The following SLC6A13 variants were observed in gnomAD, a reference collection of about 807,000 sequenced individuals.
The protein encoded by SLC6A13 is sodium- and chloride-dependent GABA transporter 2.
SLC6A13 carries 69 observed loss-of-function variants against 72.9 expected under a neutral mutation model. That is an observed-to-expected ratio of 0.95 (90% confidence interval 0.78 to 1.16). The LOEUF (loss-of-function observed/expected upper bound fraction) is 1.16. Among genes scored for constraint, SLC6A13 ranks in the 50% most tolerant of loss-of-function variants. SLC6A13 has a pLI of 0.00. For synonymous variants in SLC6A13, 303 were observed against 303.0 expected (o/e 1.00, Z 0.00); for missense variants, 735 against 760.5 (o/e 0.97, Z 0.39).
intron 7 of SLC6A13, among the ~76,000 whole-genome samples, chr12:228,621 G>C (rs948628469): frequency 2.6e-5 from 4 of 152,124 alleles, no homozygotes; most frequent in African/African-American, 7.2e-5. Flanking sequence ...CTAATATCAG[G>C]CCTCCAATTC....
chr12:229,877 C>T (rs752089770), intron 7 of SLC6A13, among the ~76,000 whole-genome samples: 8 of 152,092 alleles, frequency 5.3e-5, no homozygotes, highest in Admixed American at 1.3e-4. Context: ...CCATTTACCT[C>T]GCCTCGGCAG....
chr12:234,291 A>T (rs1941836004), intron 7 of SLC6A13, among the ~76,000 whole-genome samples: 1 of 152,182 alleles, frequency 6.6e-6, no homozygotes, highest in Non-Finnish European at 1.5e-5. Flanking sequence ...CAACGTCAGG[A>T]AGTTAACCTC....
chr12:228,792 A>C (rs972163033), intron 7 of SLC6A13, among the ~76,000 whole-genome samples: 6 of 152,114 alleles, frequency 3.9e-5, no homozygotes, highest in African/African-American at 1.2e-4. Flanking sequence ...CCACCTCAGA[A>C]TCACGCTGAT....
At position 227,582 on chromosome 12, in the gene SLC6A13, G is replaced by C. The variant is rs1941514956; in HGVS notation, c.918C>G (p.Tyr306Ter). The change falls in exon 8 of 15, where the codon TAC (tyrosine) becomes TAG (stop). Residue 306 changes from tyrosine (Y) to a stop codon, truncating the protein, a stop_gained. Coordinates refer to ENST00000343164, the MANE Select transcript of SLC6A13 (RefSeq NM_016615.5). LOFTEE classifies it high-confidence loss of function. ...CLTALGSYNK[Y>*]HNNCYRDCIA... ...CCAATCACCTGTAGCAGTTGTTGTG[G>C]TACTTGTTGTAGCTGCCCAGGGCTG... is the stretch of plus-strand genomic sequence containing the variant. The C allele has an allele frequency of 1.2e-6, 2 of 1,613,916 alleles. No homozygotes were observed. The highest frequency in any genetic ancestry group is 1.7e-6 in the Non-Finnish European group (2 of 1,179,934).
chr12:259,539 G>C, intron 2 of SLC6A13: 6 of 1,367,366 alleles, frequency 4.4e-6, no homozygotes, highest in Non-Finnish European at 5.6e-6. Flanking sequence ...GATGCTCTGA[G>C]AGCTTAAGTA....
Position 242,789 on chromosome 12 carries a change from T to C in SLC6A13, c.338-35A>G, listed in dbSNP as rs1276478438. 3 of 1,553,914 alleles carry C rather than the reference T, an allele frequency of 1.9e-6. No individual in the cohort carries two copies. The Admixed American group carries it at 5.8e-5, about 30-fold the overall frequency. ...AACTGCAGAATTGGGCTAGGAACGG[T>C]GGACAGCGGTGGCGTGCACCTGTCA... On this transcript the variant is annotated intron_variant, in intron 3 of 14. Transcript: ENST00000343164.
chr12:238,470 C>T (rs1036844564), intron 4 of SLC6A13: 14 of 507,620 alleles, frequency 2.8e-5, no homozygotes, highest in African/African-American at 2.0e-4. Context: ...TAACTCAGCT[C>T]TCTGTGTTTT....
chr12:226,581 TC>T, intron 8 of SLC6A13, 67 bp from the exon 9 acceptor site: 1 of 1,539,050 alleles, frequency 6.5e-7, no homozygotes, highest in East Asian at 2.4e-5. Context: ...CTCTCCTGCT[TC>T]CTGTCTGGGA....
At chr12:250,851 A>AAAAAAC (rs1312714228) in intron 2 of SLC6A13, among the ~76,000 whole-genome samples, 22 of 150,912 alleles carry the variant, frequency 1.5e-4, no homozygotes, top group African/African-American at 5.1e-4. Context: ...AAAAAAAAAA[A>AAAAAAC]ACCTAAAAAC....
chr12:228,006 C>T (rs914917001), intron 7 of SLC6A13, among the ~76,000 whole-genome samples: 1 of 152,136 alleles, frequency 6.6e-6, no homozygotes, highest in Non-Finnish European at 1.5e-5. Flanking sequence ...ATCCTAGGTT[C>T]TGCCCCCACT....
At chr12:245,686 AAAAG>A (rs1424115463) in intron 2 of SLC6A13, among the ~76,000 whole-genome samples, 5 of 150,944 alleles carry the variant, frequency 3.3e-5, no homozygotes, top group South Asian at 2.1e-4. Flanking sequence ...TCGCAAAAAA[AAAAG>A]AAAGAAAGAA....
At chr12:252,891 A>G (rs1022701670) in intron 2 of SLC6A13, among the ~76,000 whole-genome samples, 1 of 144,118 alleles carries the variant, frequency 6.9e-6, no homozygotes, top group African/African-American at 2.5e-5. Flanking sequence ...GCCTGCCAAG[A>G]GGGACAAAGT....
At chr12:237,316 C>A in intron 5 of SLC6A13, 26 bp from the exon 6 acceptor site, 1 of 1,611,676 alleles carries the variant, frequency 6.2e-7, no homozygotes, top group South Asian at 1.1e-5. Context: ...TTGAACCTGG[C>A]TTACTTTTTC....
Position 221,027 on chromosome 12 carries a change from C to T in SLC6A13, c.1730G>A (p.Arg577Gln), listed in dbSNP as rs61741313. The change falls in exon 15 of 15, where the codon CGG becomes CAG. Residue 577 changes from arginine to glutamine, a missense_variant. Physicochemically the swap from Arg to Gln is conservative, Grantham distance 43. Transcript: ENST00000343164. ...GGGAGCCGAGGGTCCTGCTGGGTTC[C>T]GCTGGGGCAGGTCCTCGGCTGGGCA... is the stretch of plus-strand genomic sequence containing the variant. ...LMCPAEDLPQ[R>Q]NPAGPSAPAT... The T allele has an allele frequency of 9.0e-3, 14,561 of 1,611,844 alleles. 1,108 individuals are homozygous for T. In the African/African-American group the frequency reaches 0.17, roughly 18 times the overall value.
chr12:253,134 C>T (rs1388733723), intron 2 of SLC6A13, among the ~76,000 whole-genome samples: 3 of 152,244 alleles, frequency 2.0e-5, no homozygotes, highest in Admixed American at 1.3e-4. Context: ...CTAAAATGTG[C>T]TGGCATTTTC....
At position 221,918 on chromosome 12, in the gene SLC6A13, T is replaced by C. The variant is rs78008732; in HGVS notation, c.1516-372A>G. Among the ~76,000 whole-genome samples, 1,421 of 152,314 alleles carry C rather than the reference T, an allele frequency of 9.3e-3. 14 individuals are homozygous for C. The highest frequency in any genetic ancestry group is 0.03 in the African/African-American group (1,261 of 41,562). On this transcript the variant is annotated intron_variant, in intron 13 of 14. Coordinates refer to ENST00000343164, the MANE Select transcript of SLC6A13 (RefSeq NM_016615.5). ...TCCTTCTCCCTCTGCTCCTCAGTTATATCTGGCACACAGTGGGGAGCTCGG... is the reference window on the plus strand; with the variant it reads ...TCCTTCTCCCTCTGCTCCTCAGTTACATCTGGCACACAGTGGGGAGCTCGG...
chr12:233,767 T>C (rs1257747250), intron 7 of SLC6A13, among the ~76,000 whole-genome samples: 1 of 152,122 alleles, frequency 6.6e-6, no homozygotes, highest in Non-Finnish European at 1.5e-5. Flanking sequence ...AATACTACCC[T>C]AGTGATATTT....
chr12:234,568 A>T (rs952049400), intron 7 of SLC6A13, among the ~76,000 whole-genome samples: 3 of 151,884 alleles, frequency 2.0e-5, no homozygotes, highest in African/African-American at 7.3e-5. Flanking sequence ...CCCAGGCTAG[A>T]GTGCAGTGGC....
At position 243,602 on chromosome 12, in the gene SLC6A13, T is replaced by C; in HGVS notation, c.337+77A>G. On this transcript the variant is annotated intron_variant, in intron 3 of 14. Coordinates refer to ENST00000343164, the MANE Select transcript of SLC6A13 (RefSeq NM_016615.5). ...CTTATCTTAACCTCAGAACTGCTAC[T>C]AATCACTCAAGTCATTCCAAACAAG... The C allele has an allele frequency of 2.8e-6, 4 of 1,434,860 alleles. No individual in the cohort carries two copies. The South Asian group carries it at 5.2e-5, about 19-fold the overall frequency. 88.9% of individuals were successfully genotyped at this position (1,434,860 alleles called of 1,614,324 possible).
Sources: allele counts gnomAD v4.1 joint callset (sites outside exome capture counted in the v4.1 genomes callset), GRCh38; gene constraint gnomAD v4.1.1; transcripts MANE v1.5; gene names NCBI Gene and HGNC (gene_info 2026-07-23, HGNC 2026-07-21).